CFDP1: variants seen among roughly 807,000 people sequenced by gnomAD.
CFDP1 encodes heterochromatin-stabilizing protein CFDP1.
CFDP1 carries 31 observed loss-of-function variants against 40.1 expected under a neutral mutation model. That is an observed-to-expected ratio of 0.77 (90% CI 0.58 to 1.04). The LOEUF is 1.04. Ranked by LOEUF, CFDP1 falls within the 50% of genes least tolerant of loss-of-function variation. The pLI, the probability that CFDP1 is intolerant of heterozygous loss-of-function variation, is 0.00. For synonymous variants in CFDP1, 167 were observed against 120.0 expected (o/e 1.39, Z -2.56); for missense variants, 423 against 343.4 (o/e 1.23, Z -1.83).
chr16:75,328,681 A>G (rs1755771728), intron 5 of CFDP1, among the ~76,000 whole-genome samples: 1 of 149,936 alleles, frequency 6.7e-6, no homozygotes, highest in Admixed American at 6.6e-5. Context: ...TATAATAAGC[A>G]TAATTTTTTT....
chr16:75,334,148 A>G (rs1215103652), intron 5 of CFDP1, among the ~76,000 whole-genome samples: 1 of 152,108 alleles, frequency 6.6e-6, no homozygotes, highest in Non-Finnish European at 1.5e-5. Flanking sequence ...AATCATTGCC[A>G]GCCCCACCCA....
intron 5 of CFDP1, among the ~76,000 whole-genome samples, chr16:75,344,230 A>C (rs2151521840): frequency 6.6e-6 from 1 of 152,354 alleles, no homozygotes; most frequent in East Asian, 1.9e-4. Flanking sequence ...GGGACTATGC[A>C]TGTTTTTTCA....
intron 5 of CFDP1, among the ~76,000 whole-genome samples, chr16:75,376,742 G>A (rs867470198): frequency 2.6e-5 from 4 of 152,178 alleles, no homozygotes; most frequent in Non-Finnish European, 5.9e-5. Flanking sequence ...AGCTAAAACA[G>A]GTATGGGGCA....
At chr16:75,334,240 T>C (rs934902978) in intron 5 of CFDP1, among the ~76,000 whole-genome samples, 7 of 151,780 alleles carry the variant, frequency 4.6e-5, no homozygotes, top group African/African-American at 1.5e-4. Context: ...ACCCTAACCC[T>C]GCAGCTAAGC....
At chr16:75,412,995 G>C (rs2079176140) in intron 2 of CFDP1, among the ~76,000 whole-genome samples, 1 of 148,800 alleles carries the variant, frequency 6.7e-6, no homozygotes, top group South Asian at 2.1e-4. Context: ...TAAAATCAAA[G>C]TATAGCGTTC....
chr16:75,297,265 C>T (rs1197144284), intron 6 of CFDP1, among the ~76,000 whole-genome samples: 1 of 151,732 alleles, frequency 6.6e-6, no homozygotes, highest in Non-Finnish European at 1.5e-5. Context: ...AGTAATCTGC[C>T]CGCCTCAGCC....
intron 5 of CFDP1, among the ~76,000 whole-genome samples, chr16:75,310,741 G>A (rs1466049912): frequency 6.6e-6 from 1 of 152,172 alleles, no homozygotes; most frequent in African/African-American, 2.4e-5. Flanking sequence ...TTTAAAAGAG[G>A]TACTGGAAAG....
At chr16:75,425,869 C>A (rs548597213) in intron 1 of CFDP1, among the ~76,000 whole-genome samples, 1 of 149,848 alleles carries the variant, frequency 6.7e-6, no homozygotes, top group East Asian at 2.0e-4. Context: ...AACCCCATCT[C>A]CACTAAAAAT....
intron 4 of CFDP1, 86 bp downstream of exon 4, chr16:75,411,739 A>T: frequency 7.7e-7 from 1 of 1,304,836 alleles, no homozygotes; most frequent in Non-Finnish European, 1.1e-6. Context: ...TGATGGATTG[A>T]AAAGAGGATA....
intron 6 of CFDP1, among the ~76,000 whole-genome samples, chr16:75,302,450 G>C (rs2078227574): frequency 6.6e-6 from 1 of 152,132 alleles, no homozygotes; most frequent in South Asian, 2.1e-4. Context: ...GTAGAGGCAA[G>C]GTCTTGCTAT....
chr16:75,371,306 C>T (rs2078749515), intron 5 of CFDP1, among the ~76,000 whole-genome samples: 1 of 151,878 alleles, frequency 6.6e-6, no homozygotes, highest in South Asian at 2.1e-4. Context: ...CAAGTTAAAA[C>T]ATTTTAAGTA....
At chr16:75,388,308 TTTATTCTTTATA>T (rs1334372919) in intron 5 of CFDP1, among the ~76,000 whole-genome samples, 1 of 152,242 alleles carries the variant, frequency 6.6e-6, no homozygotes, top group Non-Finnish European at 1.5e-5. Flanking sequence ...ATAGACATTA[TTTATTCTTTATA>T]AAAGGGTAAA....
At chr16:75,340,555 A>T (rs2078519788) in intron 5 of CFDP1, among the ~76,000 whole-genome samples, 1 of 152,192 alleles carries the variant, frequency 6.6e-6, no homozygotes, top group Non-Finnish European at 1.5e-5. Context: ...ATTAAATGTC[A>T]TTGCCTTTGG....
At chr16:75,304,160 G>A (rs1393016276) in intron 6 of CFDP1, among the ~76,000 whole-genome samples, 1 of 152,052 alleles carries the variant, frequency 6.6e-6, no homozygotes, top group Non-Finnish European at 1.5e-5. Flanking sequence ...CCTCCACCTA[G>A]TGGGTTCAAG....
At chr16:75,428,456 T>C (rs949421817) in intron 1 of CFDP1, among the ~76,000 whole-genome samples, 1 of 151,514 alleles carries the variant, frequency 6.6e-6, no homozygotes, top group African/African-American at 2.4e-5. Flanking sequence ...TCTATTAAAA[T>C]ACAAAAACAA....
intron 5 of CFDP1, among the ~76,000 whole-genome samples, chr16:75,343,792 C>T (rs996709364): frequency 1.4e-4 from 21 of 152,132 alleles, no homozygotes; most frequent in African/African-American, 4.1e-4. Flanking sequence ...AGGGTCATCT[C>T]GCGCATGAAA....
chr16:75,311,658 A>T (rs1397458068), intron 5 of CFDP1, among the ~76,000 whole-genome samples: 8 of 152,198 alleles, frequency 5.3e-5, no homozygotes, highest in Admixed American at 3.9e-4. Flanking sequence ...TCCATCTAAT[A>T]GCCTGCATAA....
chr16:75,404,402 T>C (rs1296964565), intron 4 of CFDP1, among the ~76,000 whole-genome samples: 1 of 151,826 alleles, frequency 6.6e-6, no homozygotes, highest in East Asian at 2.0e-4. Flanking sequence ...TTTGTATTTT[T>C]AGTAGAGAAC....
rs149972382 is a variant in CFDP1 at position 75,402,467 on chromosome 16, T to C, written c.531-7258A>G. ...ATATTCCCCCATTCCCCTAGGTTAATAAGCTAAACATTTTTCAAGTAGGGA... is the reference window on the plus strand; with the variant it reads ...ATATTCCCCCATTCCCCTAGGTTAACAAGCTAAACATTTTTCAAGTAGGGA... On this transcript the variant is annotated intron_variant, in intron 4 of 6. Transcript: ENST00000283882. 7.2e-5 allele frequency among the ~76,000 whole-genome samples: 11 copies of C among 152,274 alleles called. No individual in the cohort carries two copies. In the East Asian group the frequency reaches 2.1e-3, roughly 29 times the overall value.
Sources: allele counts gnomAD v4.1 joint callset (sites outside exome capture counted in the v4.1 genomes callset), GRCh38; gene constraint gnomAD v4.1.1; transcripts MANE v1.5; gene names NCBI Gene and HGNC (gene_info 2026-07-23, HGNC 2026-07-21).